Variants in ZNF627 observed in about 807,000 individuals in gnomAD.
The protein encoded by ZNF627 is zinc finger protein 627.
Under a neutral mutation model 10.6 loss-of-function variants are expected in ZNF627, and 12 were observed. That is an observed-to-expected ratio of 1.13 (90% CI 0.73 to 1.84). The LOEUF (loss-of-function observed/expected upper bound fraction) is 1.84. Among genes scored for constraint, ZNF627 ranks in the 40% most tolerant of loss-of-function variants. ZNF627 has a pLI of 0.00. For missense variants in ZNF627, 504 were observed against 568.4 expected (o/e 0.89, Z 1.15); for synonymous variants, 176 against 187.1 (o/e 0.94, Z 0.48).
intron 1 of ZNF627, among the ~76,000 whole-genome samples, chr19:11,607,545 T>A (rs1973696082): frequency 6.6e-6 from 1 of 152,152 alleles, no homozygotes; most frequent in Non-Finnish European, 1.5e-5. Context: ...ATACCGTAAG[T>A]CATCTCTCAC....
intron 1 of ZNF627, among the ~76,000 whole-genome samples, chr19:11,598,540 A>G (rs974048844): frequency 1.2e-4 from 18 of 152,184 alleles, no homozygotes; most frequent in African/African-American, 4.3e-4. Context: ...TAATTATTTT[A>G]ACACTCCCCA....
Position 11,610,737 on chromosome 19 carries a change from T to C in ZNF627, c.4-3790T>C, listed in dbSNP as rs149238116. 3.0e-3 allele frequency among the ~76,000 whole-genome samples: 460 copies of C among 152,306 alleles called. 2 individuals carry two copies. The highest frequency in any genetic ancestry group is 0.011 in the African/African-American group (439 of 41,570). On this transcript the variant is annotated intron_variant, in intron 1 of 3. Transcript: ENST00000361113. ...TCCATTTGTATTGATTTTGCCTAAG[T>C]TTCTTCCTTTTAGATCAACAAACTT...
intron 1 of ZNF627, among the ~76,000 whole-genome samples, chr19:11,599,084 A>G (rs1973541612): frequency 6.6e-6 from 1 of 152,172 alleles, no homozygotes; most frequent in Non-Finnish European, 1.5e-5. Flanking sequence ...AAACTGTGAT[A>G]TGTCTTCAGA....
intron 1 of ZNF627, among the ~76,000 whole-genome samples, chr19:11,601,607 C>T (rs1369997154): frequency 3.3e-5 from 5 of 152,092 alleles, no homozygotes; most frequent in Non-Finnish European, 7.4e-5. Flanking sequence ...CGTAGCCTCC[C>T]CAAATTCCAG....
At chr19:11,599,475 A>G (rs886977465) in intron 1 of ZNF627, among the ~76,000 whole-genome samples, 2 of 152,314 alleles carry the variant, frequency 1.3e-5, no homozygotes, top group Admixed American at 1.3e-4. Context: ...AACCCATCCC[A>G]CTGAGGTGAT....
chr19:11,603,284 CTT>C (rs34132887), intron 1 of ZNF627, among the ~76,000 whole-genome samples: 5 of 119,952 alleles, frequency 4.2e-5, no homozygotes, highest in Non-Finnish European at 3.4e-5. Flanking sequence ...TATTCTTAGC[CTT>C]TTTTTTTTTT....
intron 1 of ZNF627, among the ~76,000 whole-genome samples, chr19:11,608,646 G>A (rs1471564519): frequency 6.6e-6 from 1 of 151,974 alleles, no homozygotes; most frequent in Non-Finnish European, 1.5e-5. Flanking sequence ...ATATATCCTG[G>A]AGAAATGTCC....
rs751169032 is a variant in ZNF627 at position 11,617,829 on chromosome 19, T to C, written c.1326T>C (p.Thr442=). The change falls in exon 4 of 4, where the codon ACT becomes ACC. Residue 442 remains threonine (T), a synonymous_variant. Transcript: ENST00000361113. ...TTCGAGTACATGAAAAAATTCATAC[T>C]GGAGAGAAACCCTATGAGAACCCTA... The part of the protein sequence containing the change: ...TYFRVHEKIH[T]GEKPYENPNP... The C allele has an allele frequency of 6.2e-7, 1 of 1,604,120 alleles. No homozygotes were observed. The highest frequency in any genetic ancestry group is 2.2e-5 in the East Asian group (1 of 44,866).
chr19:11,616,132 G>A (rs993593468), intron 3 of ZNF627, among the ~76,000 whole-genome samples: 1 of 150,798 alleles, frequency 6.6e-6, no homozygotes, highest in Non-Finnish European at 1.5e-5. Flanking sequence ...CTGCCTCCTG[G>A]GTTCAAGCAA....
At chr19:11,603,660 T>A (rs1973626158) in intron 1 of ZNF627, among the ~76,000 whole-genome samples, 1 of 152,080 alleles carries the variant, frequency 6.6e-6, no homozygotes, top group Non-Finnish European at 1.5e-5. Flanking sequence ...CTATTTCACA[T>A]AGCTGTGAAT....
intron 1 of ZNF627, among the ~76,000 whole-genome samples, chr19:11,601,242 T>C (rs1279247299): frequency 6.6e-6 from 1 of 152,350 alleles, no homozygotes; most frequent in East Asian, 1.9e-4. Flanking sequence ...GTGATGCCTT[T>C]CTGAGAATGT....
intron 3 of ZNF627, among the ~76,000 whole-genome samples, chr19:11,616,144 TCTC>T (rs1156591228): frequency 1.3e-5 from 2 of 151,582 alleles, no homozygotes; most frequent in South Asian, 2.1e-4. Flanking sequence ...TTCAAGCAAT[TCTC>T]CTGCCTCAGC....
At chr19:11,609,809 C>T (rs568781564) in intron 1 of ZNF627, among the ~76,000 whole-genome samples, 9 of 151,878 alleles carry the variant, frequency 5.9e-5, no homozygotes, top group South Asian at 4.2e-4. Flanking sequence ...TGAGCCACCG[C>T]GCCTGTAATT....
At chr19:11,612,716 G>T (rs537644421) in intron 1 of ZNF627, among the ~76,000 whole-genome samples, 1 of 151,856 alleles carries the variant, frequency 6.6e-6, no homozygotes, top group African/African-American at 2.4e-5. Context: ...CCACCTTGCC[G>T]GGCCTCAACT....
intron 1 of ZNF627, among the ~76,000 whole-genome samples, chr19:11,611,335 A>G (rs1047243094): frequency 1.5e-4 from 22 of 150,950 alleles, no homozygotes; most frequent in Non-Finnish European, 2.8e-4. Flanking sequence ...ACACAGAATT[A>G]TTTATTTAGA....
intron 1 of ZNF627, among the ~76,000 whole-genome samples, chr19:11,606,659 C>T (rs1420919446): frequency 6.6e-6 from 1 of 152,254 alleles, no homozygotes; most frequent in Non-Finnish European, 1.5e-5. Flanking sequence ...CTCTTCTGCG[C>T]TGCCCTAGCA....
intron 1 of ZNF627, among the ~76,000 whole-genome samples, chr19:11,605,555 G>C (rs1332977834): frequency 1.3e-5 from 2 of 151,994 alleles, no homozygotes; most frequent in East Asian, 3.9e-4. Flanking sequence ...GACTAAAGGT[G>C]GGGGAAAGGT....
intron 1 of ZNF627, among the ~76,000 whole-genome samples, chr19:11,598,635 T>C (rs1973533098): frequency 6.6e-6 from 1 of 152,178 alleles, no homozygotes; most frequent in Non-Finnish European, 1.5e-5. Flanking sequence ...ACCACTTCTT[T>C]CACCATATTC....
intron 1 of ZNF627, among the ~76,000 whole-genome samples, chr19:11,612,621 A>G (rs970666306): frequency 6.0e-5 from 9 of 150,362 alleles, no homozygotes; most frequent in Non-Finnish European, 8.9e-5. Context: ...GGGTTTCACC[A>G]TGTTGACCAG....
Sources: allele counts gnomAD v4.1 joint callset (sites outside exome capture counted in the v4.1 genomes callset), GRCh38; gene constraint gnomAD v4.1.1; transcripts MANE v1.5; gene names NCBI Gene and HGNC (gene_info 2026-07-23, HGNC 2026-07-21).